The following CDH12 variants were observed in gnomAD, a reference collection of about 807,000 sequenced individuals.
CDH12 encodes the protein cadherin-12.
Under a neutral mutation model 74.1 loss-of-function variants are expected in CDH12, and 41 were observed. That is an observed-to-expected ratio of 0.55 (90% CI 0.43 to 0.72). CDH12 has a LOEUF of 0.72. CDH12 is among the 30% of genes least tolerant of loss of function. The probability of loss-of-function intolerance (pLI) is 0.00; values close to 1 mark genes in which losing one functional copy is unlikely to be tolerated. For missense variants in CDH12, 945 were observed against 977.2 expected (o/e 0.97, Z 0.44); for synonymous variants, 399 against 355.0 (o/e 1.12, Z -1.39).
chr5:22,711,848 G>A (rs191684602), intron 1 of CDH12, among the ~76,000 whole-genome samples: 3 of 152,156 alleles, frequency 2.0e-5, no homozygotes. Context: ...TGTTCTCTCT[G>A]AAAGGAATTC....
At chr5:22,455,502 T>G (rs1392841915) in intron 2 of CDH12, among the ~76,000 whole-genome samples, 1 of 151,096 alleles carries the variant, frequency 6.6e-6, no homozygotes, top group African/African-American at 2.5e-5. Flanking sequence ...AGTCAGCAAT[T>G]TGATTTTAAA....
intron 5 of CDH12, among the ~76,000 whole-genome samples, chr5:22,002,002 T>C (rs1736634518): frequency 6.6e-6 from 1 of 152,068 alleles, no homozygotes; most frequent in Non-Finnish European, 1.5e-5. Flanking sequence ...AAATCTGACC[T>C]AGGAAATTAC....
chr5:21,877,209 GA>G (rs1264445033), intron 6 of CDH12, among the ~76,000 whole-genome samples: 65 of 141,132 alleles, frequency 4.6e-4, no homozygotes, highest in Middle Eastern at 3.6e-3. Context: ...TCTCAGAAAA[GA>G]AAAAAAAAAA....
At chr5:22,543,904 C>CT (rs879533290) in intron 1 of CDH12, among the ~76,000 whole-genome samples, 51 of 146,958 alleles carry the variant, frequency 3.5e-4, no homozygotes, top group Middle Eastern at 3.6e-3. Context: ...TTGTCATTTT[C>CT]TTTTTTTTTT....
intron 3 of CDH12, among the ~76,000 whole-genome samples, chr5:22,246,798 G>C (rs1752960589): frequency 6.6e-6 from 1 of 152,096 alleles, no homozygotes; most frequent in Admixed American, 6.6e-5. Flanking sequence ...TCAAGATGTA[G>C]TTACTTTTAT....
chr5:21,964,798 T>G (rs550608017), intron 6 of CDH12, among the ~76,000 whole-genome samples: 1 of 152,138 alleles, frequency 6.6e-6, no homozygotes, highest in Admixed American at 6.6e-5. Context: ...TGAAACTTAT[T>G]AGAAAGTGAA....
intron 5 of CDH12, among the ~76,000 whole-genome samples, chr5:21,987,744 A>G (rs1757576172): frequency 7.1e-6 from 1 of 141,140 alleles, no homozygotes; most frequent in African/African-American, 3.2e-5. Context: ...CCATCTAAGT[A>G]TATTGATGAG....
At chr5:21,762,638 T>A (rs1401526523) in intron 12 of CDH12, among the ~76,000 whole-genome samples, 1 of 152,096 alleles carries the variant, frequency 6.6e-6, no homozygotes, top group Non-Finnish European at 1.5e-5. Flanking sequence ...TATTTTAGAA[T>A]AAGAGCCTCT....
chr5:22,514,048 T>G (rs2126676071), intron 1 of CDH12, among the ~76,000 whole-genome samples: 1 of 151,636 alleles, frequency 6.6e-6, no homozygotes, highest in Admixed American at 6.6e-5. Context: ...TACAATTATT[T>G]TATAATAATA....
intron 2 of CDH12, among the ~76,000 whole-genome samples, chr5:22,483,944 G>A (rs1746489114): frequency 6.7e-6 from 1 of 149,410 alleles, no homozygotes; most frequent in Admixed American, 6.7e-5. Flanking sequence ...GGCCATATAA[G>A]ATCGGGAATT....
rs936160578 is a variant in CDH12 at position 22,785,165 on chromosome 5, C to A, written c.-523+67893G>T. Among the ~76,000 whole-genome samples the A allele has an allele frequency of 2.4e-4, 37 of 152,138 alleles. 1 individual carries two copies. Among genetic ancestry groups the A allele is most frequent in the African/African-American group, 8.4e-4 (35 of 41,426 alleles). ...CCTCTTACCTTTCCTGATGCTCGCC[C>A]ACTCTGAGTCTGTGATCAAGTAACC... On this transcript the variant is annotated intron_variant, in intron 1 of 14. Transcript: ENST00000382254.
chr5:21,932,629 G>A (rs907902774), intron 6 of CDH12, among the ~76,000 whole-genome samples: 1 of 151,874 alleles, frequency 6.6e-6, no homozygotes, highest in African/African-American at 2.4e-5. Flanking sequence ...GGCCGGGTGC[G>A]CTGGCGCACG....
intron 1 of CDH12, among the ~76,000 whole-genome samples, chr5:22,772,666 T>C (rs60791283): frequency 1.3e-5 from 2 of 152,080 alleles, no homozygotes; most frequent in African/African-American, 4.8e-5. Context: ...CTAAGAAATG[T>C]AAAAGTATAT....
intron 6 of CDH12, among the ~76,000 whole-genome samples, chr5:21,904,823 AG>A (rs2150057569): frequency 6.6e-6 from 1 of 152,244 alleles, no homozygotes; most frequent in African/African-American, 2.4e-5. Flanking sequence ...AAAAAGGAAA[AG>A]GAAAAGGAAA....
Position 21,802,274 on chromosome 5 carries a change from A to T in CDH12, c.1149T>A (p.Val383=). ...ISVLDVDEPP[V]FSKPLYTMEV... ...CCATGGTGTAGAGCGGCTTGCTGAAAACCGGTGGCTCATCTACGTCCAGCA... is the reference window on the plus strand; with the variant it reads ...CCATGGTGTAGAGCGGCTTGCTGAATACCGGTGGCTCATCTACGTCCAGCA... The change falls in exon 10 of 15, where the codon GTT becomes GTA. Residue 383 remains valine (V), a synonymous_variant. Transcript: ENST00000382254. 1 of 1,610,724 alleles carries T rather than the reference A, an allele frequency of 6.2e-7. No individual in the cohort carries two copies.
At chr5:21,896,541 T>C (rs1286870387) in intron 6 of CDH12, among the ~76,000 whole-genome samples, 2 of 152,182 alleles carry the variant, frequency 1.3e-5, no homozygotes, top group Non-Finnish European at 2.9e-5. Flanking sequence ...CAGATTGTTA[T>C]AAAAGCCTTT....
At chr5:22,737,359 A>G (rs1209967798) in intron 1 of CDH12, among the ~76,000 whole-genome samples, 1 of 151,990 alleles carries the variant, frequency 6.6e-6, no homozygotes, top group Non-Finnish European at 1.5e-5. Flanking sequence ...TAACAAAAAA[A>G]CTTCTACTTT....
intron 1 of CDH12, among the ~76,000 whole-genome samples, chr5:22,828,794 T>A (rs1047383306): frequency 6.6e-6 from 1 of 152,172 alleles, no homozygotes; most frequent in Non-Finnish European, 1.5e-5. Flanking sequence ...AGGAATGATG[T>A]ACATGAAGAC....
chr5:21,815,725 T>C (rs1445642932), intron 9 of CDH12, among the ~76,000 whole-genome samples: 1 of 152,142 alleles, frequency 6.6e-6, no homozygotes, highest in Non-Finnish European at 1.5e-5. Context: ...AGTTCTCAGG[T>C]GTTTAGAGCT....
Sources: allele counts gnomAD v4.1 joint callset (sites outside exome capture counted in the v4.1 genomes callset), GRCh38; gene constraint gnomAD v4.1.1; transcripts MANE v1.5; gene names NCBI Gene and HGNC (gene_info 2026-07-23, HGNC 2026-07-21).